SUSD3: variants seen among roughly 807,000 people sequenced by gnomAD.
SUSD3 encodes sushi domain-containing protein 3.
SUSD3 carries 18 observed loss-of-function variants against 20.6 expected under a neutral mutation model. The ratio of observed to expected loss-of-function variants is 0.87; its 90% CI spans 0.60 to 1.30. The LOEUF (loss-of-function observed/expected upper bound fraction) is 1.30, where lower values mean the gene tolerates loss of function less well. Ranked by LOEUF, SUSD3 falls within the 50% of genes most tolerant of loss-of-function variation. The pLI, the probability that SUSD3 is intolerant of heterozygous loss-of-function variation, is 0.00. For missense variants in SUSD3, 306 were observed against 346.9 expected, an observed-to-expected ratio of 0.88 and a Z score of 0.94; for synonymous variants, 137 against 141.5, an observed-to-expected ratio of 0.97 and a Z score of 0.23.
intron 1 of SUSD3, among the ~76,000 whole-genome samples, chr9:93,074,446 A>G (rs1046537098): frequency 3.8e-5 from 5 of 130,532 alleles, no homozygotes; most frequent in South Asian, 2.6e-4. Context: ...AAAAAAAAAA[A>G]AAAAAAAAAA....
chr9:93,069,666 C>G (rs539012897), intron 1 of SUSD3, among the ~76,000 whole-genome samples: 1 of 152,278 alleles, frequency 6.6e-6, no homozygotes, highest in South Asian at 2.1e-4. Flanking sequence ...ACCTGGTATT[C>G]TACAACCTTG....
In SUSD3 at chr9:93,061,659, C is replaced by A. The variant is rs529267788; in HGVS notation, c.88+2829C>A. ...GACACACAGCCAGGGCTGTGGGACACCCACATGTAGTGTTGGGGCCAGGCC... is the reference window on the plus strand; with the variant it reads ...GACACACAGCCAGGGCTGTGGGACAACCACATGTAGTGTTGGGGCCAGGCC... On this transcript the variant is annotated intron_variant, in intron 1 of 4. Coordinates refer to ENST00000375472, the MANE Select transcript of SUSD3 (RefSeq NM_145006.4). Among the ~76,000 whole-genome samples the A allele has an allele frequency of 3.3e-5, 5 of 152,334 alleles. No homozygotes were observed. The South Asian group carries it at 6.2e-4, about 19-fold the overall frequency.
intron 1 of SUSD3, among the ~76,000 whole-genome samples, chr9:93,066,801 C>T (rs191606743): frequency 2.1e-3 from 316 of 152,052 alleles, no homozygotes; most frequent in African/African-American, 7.0e-3. Context: ...CTCCGCCTCC[C>T]GGGTTCAAGC....
At chr9:93,073,737 C>A (rs1826005447) in intron 1 of SUSD3, among the ~76,000 whole-genome samples, 1 of 152,220 alleles carries the variant, frequency 6.6e-6, no homozygotes, top group Non-Finnish European at 1.5e-5. Flanking sequence ...AACAGGGACA[C>A]ACACTGAGGC....
chr9:93,081,051 C>G (rs1826393053), intron 4 of SUSD3, among the ~76,000 whole-genome samples: 2 of 152,172 alleles, frequency 1.3e-5, no homozygotes, highest in Admixed American at 6.5e-5. Flanking sequence ...CATTCATGCC[C>G]CTTCCCCCAC....
chr9:93,084,085 G>A (rs1046047929), intron 4 of SUSD3, among the ~76,000 whole-genome samples: 1 of 152,096 alleles, frequency 6.6e-6, no homozygotes, highest in Non-Finnish European at 1.5e-5. Flanking sequence ...TGGAGCAGGT[G>A]GGTGATCCAG....
At chr9:93,060,389 C>T (rs996480210) in intron 1 of SUSD3, among the ~76,000 whole-genome samples, 1 of 152,132 alleles carries the variant, frequency 6.6e-6, no homozygotes, top group Non-Finnish European at 1.5e-5. Context: ...CCAGTGGAGC[C>T]CAGGGAGGGT....
Position 93,083,662 on chromosome 9 carries a change from G to A in SUSD3, c.558-875G>A, listed in dbSNP as rs75794622. Among the ~76,000 whole-genome samples, 559 of 152,234 alleles carry A rather than the reference G, an allele frequency of 3.7e-3. 2 individuals carry two copies. Among genetic ancestry groups the A allele is most frequent in the African/African-American group, 0.013 (527 of 41,536 alleles). On this transcript the variant is annotated intron_variant, in intron 4 of 4. Transcript: ENST00000375472. ...CCCACACAACCAGTAAGTGAGGCTG[G>A]GTGGAGTCAGTCTGGCTCCTGCCTC...
chr9:93,083,860 C>T (rs975995103), intron 4 of SUSD3, among the ~76,000 whole-genome samples: 1 of 152,074 alleles, frequency 6.6e-6, no homozygotes, highest in African/African-American at 2.4e-5. Context: ...AGTGAAAGGA[C>T]TAAGAGAGCC....
In SUSD3 at chr9:93,084,781, T is replaced by C; in HGVS notation, c.*34T>C. ...TGAGGCTGGTGCCCATGCTCCACAC[T>C]GGGAGGCCAGGCTGACCCCACCAGC... On this transcript the variant is annotated 3_prime_UTR_variant, in exon 5 of 5. Transcript: ENST00000375472. 6.9e-7 allele frequency: 1 copy of C among 1,448,502 alleles called. No individual in the cohort carries two copies. Among genetic ancestry groups the C allele is most frequent in the Non-Finnish European group, 9.1e-7 (1 of 1,102,140 alleles). The allele number at this position is 1,448,502 out of a possible 1,614,324, so 89.7% of individuals were successfully genotyped here.
chr9:93,061,108 C>T (rs1825489258), intron 1 of SUSD3, among the ~76,000 whole-genome samples: 1 of 152,218 alleles, frequency 6.6e-6, no homozygotes, highest in Non-Finnish European at 1.5e-5. Context: ...AGGTCAGCCC[C>T]AGCACTCCCT....
chr9:93,080,649 A>T (rs1180145585), intron 4 of SUSD3, among the ~76,000 whole-genome samples: 1 of 152,200 alleles, frequency 6.6e-6, no homozygotes, highest in Non-Finnish European at 1.5e-5. Flanking sequence ...CTCTTGGCTG[A>T]GGCGAAGCCC....
intron 1 of SUSD3, among the ~76,000 whole-genome samples, chr9:93,075,377 A>G (rs1317219141): frequency 1.6e-5 from 2 of 126,956 alleles, no homozygotes; most frequent in African/African-American, 6.0e-5. Flanking sequence ...TCTGCTTTGT[A>G]TGCAGTCAAA....
Position 93,075,812 on chromosome 9 carries a change from G to A in SUSD3, c.117G>A (p.Pro39=), listed in dbSNP as rs749982271. The A allele has an allele frequency of 2.5e-5, 34 of 1,355,730 alleles. No individual in the cohort carries two copies. The highest frequency in any genetic ancestry group is 1.3e-4 in the East Asian group (3 of 22,258). The allele number at this position is 1,355,730 out of a possible 1,614,324, so 84.0% of individuals were successfully genotyped here. ...CGTGCGCTAAGCTGCGGCTACCCCC[G>A]CAAGCAACCTTCCAAGTCCTTCGTG... ...TGTCAKLRLP[P]QATFQVLRGN... Residue 39 remains proline (P), a synonymous_variant, in exon 2 of 5, where the codon CCG becomes CCA. Coordinates refer to ENST00000375472, the MANE Select transcript of SUSD3 (RefSeq NM_145006.4).
chr9:93,065,644 T>C (rs1252015970), intron 1 of SUSD3, among the ~76,000 whole-genome samples: 8 of 152,194 alleles, frequency 5.3e-5, no homozygotes, highest in Admixed American at 5.2e-4. Flanking sequence ...CTGCCAGGGC[T>C]CCAGAATCCC....
In SUSD3 at chr9:93,075,971, A is replaced by G. The variant is rs201623385; in HGVS notation, c.276A>G (p.Lys92=). ...AEWSSGSPVC[K]LVPPHETFGF... is the part of the protein sequence containing the mutation. ...GGTCTTCAGGGTCCCCAGTGTGCAA[A>G]CGTAAGGACCCCTCTCTCAGCTCGG... Residue 92 remains lysine, a splice_region_variant and synonymous_variant, in exon 2 of 5, where the codon AAA becomes AAG. Transcript: ENST00000375472. 1 of 1,590,230 alleles carries G rather than the reference A, an allele frequency of 6.3e-7. No homozygotes were observed. The highest frequency in any genetic ancestry group is 2.3e-5 in the East Asian group (1 of 44,332).
At chr9:93,075,753 C>CCCCCCCCCCCCCCCCA in intron 1 of SUSD3, 31 bp from the exon 2 acceptor site, 1 of 334,096 alleles carries the variant, frequency 3.0e-6, no homozygotes, top group Non-Finnish European at 5.2e-6. Flanking sequence ...CCCCCCCCCC[C>CCCCCCCCCCCCCCCCA]GCCATGCCTC....
chr9:93,080,005 A>G (rs1355309830), intron 4 of SUSD3, among the ~76,000 whole-genome samples: 1 of 152,132 alleles, frequency 6.6e-6, no homozygotes, highest in Non-Finnish European at 1.5e-5. Context: ...GAACCAATAT[A>G]AGGACATTCT....
intron 4 of SUSD3, 118 bp downstream of exon 4, chr9:93,079,720 AC>A: frequency 9.2e-7 from 1 of 1,087,254 alleles, no homozygotes; most frequent in Non-Finnish European, 1.3e-6. Context: ...CGCCTAGCCC[AC>A]CCAGAACCTT....
Sources: gnomAD v4.1 joint callset for allele counts (sites outside exome capture counted in the v4.1 genomes callset) on GRCh38, gnomAD v4.1.1 for gene constraint, MANE v1.5 for transcripts, NCBI Gene and HGNC (gene_info 2026-07-23, HGNC 2026-07-21) for gene names.